BCKDHB: variants seen among roughly 807,000 people sequenced by gnomAD.
BCKDHB encodes branched chain keto acid dehydrogenase E1 subunit beta, also known as 2-oxoisovalerate dehydrogenase subunit beta, mitochondrial.
BCKDHB carries 41 observed loss-of-function variants against 48.5 expected under a neutral mutation model. The observed-to-expected ratio is 0.85, with a 90% CI of 0.66 to 1.10. The LOEUF is 1.10. BCKDHB is among the 50% of genes least tolerant of loss of function. BCKDHB has a pLI of 0.00. For synonymous variants in BCKDHB, 201 were observed against 174.8 expected (o/e 1.15, Z -1.18); for missense variants, 496 against 494.2 (o/e 1.00, Z -0.03).
At chr6:80,424,840 G>A in the BCKDHB span, among the ~76,000 whole-genome samples, 1 of 152,168 alleles carries the variant, frequency 6.6e-6, no homozygotes, top group African/African-American at 2.4e-5. Flanking sequence ...CCTTTCAGGA[G>A]TTAATGGTGC....
At chr6:80,114,889 T>A (rs552277933) in intron 1 of BCKDHB, among the ~76,000 whole-genome samples, 80 of 152,206 alleles carry the variant, frequency 5.3e-4, no homozygotes, top group African/African-American at 1.9e-3. Flanking sequence ...AGAGATTGAG[T>A]AGAGGAACTA....
chr6:80,400,312 G>A, the BCKDHB span, among the ~76,000 whole-genome samples: 13 of 151,860 alleles, frequency 8.6e-5, no homozygotes, highest in Admixed American at 3.9e-4. Flanking sequence ...AAATTTTTGC[G>A]TACTATGCAT....
chr6:80,444,771 G>C, the BCKDHB span, among the ~76,000 whole-genome samples: 1 of 152,112 alleles, frequency 6.6e-6, no homozygotes, highest in Admixed American at 6.5e-5. Context: ...TTTTCTGAGA[G>C]TAAATAATAT....
intron 9 of BCKDHB, among the ~76,000 whole-genome samples, chr6:80,313,618 C>T (rs796425736): frequency 6.6e-5 from 10 of 152,320 alleles, no homozygotes; most frequent in African/African-American, 2.2e-4. Flanking sequence ...ACCTCAGCCT[C>T]CCAAAGTGCT....
chr6:80,335,431 T>C (rs1385744196), intron 9 of BCKDHB, among the ~76,000 whole-genome samples: 1 of 152,024 alleles, frequency 6.6e-6, no homozygotes, highest in Non-Finnish European at 1.5e-5. Flanking sequence ...AATTCCACTT[T>C]CAAACGTTGC....
At chr6:80,401,320 G>A in the BCKDHB span, among the ~76,000 whole-genome samples, 3 of 151,786 alleles carry the variant, frequency 2.0e-5, no homozygotes, top group Non-Finnish European at 4.4e-5. Flanking sequence ...CCACATCTGT[G>A]AAATTTTCAC....
At chr6:80,236,085 C>T (rs1394421147) in intron 8 of BCKDHB, among the ~76,000 whole-genome samples, 1 of 152,118 alleles carries the variant, frequency 6.6e-6, no homozygotes, top group Non-Finnish European at 1.5e-5. Flanking sequence ...CAAGTTTATT[C>T]AGAATTCTAT....
chr6:80,297,925 G>A (rs1767340829), intron 9 of BCKDHB, among the ~76,000 whole-genome samples: 1 of 151,870 alleles, frequency 6.6e-6, no homozygotes, highest in Non-Finnish European at 1.5e-5. Context: ...ATTTTGAGAG[G>A]GATTTATCCA....
chr6:80,178,526 A>G (rs1051128245), intron 6 of BCKDHB, among the ~76,000 whole-genome samples: 1 of 152,194 alleles, frequency 6.6e-6, no homozygotes, highest in Non-Finnish European at 1.5e-5. Context: ...ATCATATTTC[A>G]TAAGGTTGCT....
intron 3 of BCKDHB, among the ~76,000 whole-genome samples, chr6:80,137,871 G>A (rs910191990): frequency 1.3e-5 from 2 of 151,854 alleles, no homozygotes; most frequent in Admixed American, 6.6e-5. Context: ...ATTGCTTGAG[G>A]CCAAGAGTTT....
intron 8 of BCKDHB, among the ~76,000 whole-genome samples, chr6:80,251,256 C>A (rs982037853): frequency 7.2e-5 from 11 of 152,090 alleles, no homozygotes; most frequent in Non-Finnish European, 1.3e-4. Flanking sequence ...ATCTAAATAG[C>A]CGTGGGAATG....
At chr6:80,254,361 G>A (rs566460565) in intron 8 of BCKDHB, among the ~76,000 whole-genome samples, 15 of 152,034 alleles carry the variant, frequency 9.9e-5, no homozygotes, top group African/African-American at 3.6e-4. Flanking sequence ...TGATTGTAAT[G>A]TGAGTGATTT....
the BCKDHB span, among the ~76,000 whole-genome samples, chr6:80,424,470 A>G: frequency 1.3e-5 from 2 of 152,226 alleles, no homozygotes; most frequent in Non-Finnish European, 2.9e-5. Flanking sequence ...TAATGCAACT[A>G]CATCATTTGA....
chr6:80,194,830 TTTTC>T (rs1489320367), intron 6 of BCKDHB, among the ~76,000 whole-genome samples: 1 of 152,164 alleles, frequency 6.6e-6, no homozygotes, highest in Non-Finnish European at 1.5e-5. Context: ...TTTAAAATGG[TTTTC>T]TTTATTTGCT....
chr6:80,464,101 G>A, the BCKDHB span, among the ~76,000 whole-genome samples: 1 of 151,956 alleles, frequency 6.6e-6, no homozygotes, highest in Non-Finnish European at 1.5e-5. Context: ...CAAGTGCATT[G>A]AGTCTCTCTC....
At chr6:80,430,777 G>T in the BCKDHB span, among the ~76,000 whole-genome samples, 1 of 152,034 alleles carries the variant, frequency 6.6e-6, no homozygotes, top group Non-Finnish European at 1.5e-5. Flanking sequence ...CCATCTCCTA[G>T]ATTCATTTAT....
chr6:80,394,447 T>G, the BCKDHB span, among the ~76,000 whole-genome samples: 582 of 152,288 alleles, frequency 3.8e-3, 7 homozygotes, highest in African/African-American at 0.013. Context: ...ATTGTTTTTT[T>G]TTTGTTTGTT....
At chr6:80,390,011 C>A in the BCKDHB span, among the ~76,000 whole-genome samples, 2 of 152,166 alleles carry the variant, frequency 1.3e-5, no homozygotes, top group Non-Finnish European at 2.9e-5. Flanking sequence ...GGAGACACAA[C>A]AATCCCATTA....
intron 1 of BCKDHB, among the ~76,000 whole-genome samples, chr6:80,126,495 A>G (rs977335155): frequency 6.6e-6 from 1 of 152,142 alleles, no homozygotes; most frequent in South Asian, 2.1e-4. Context: ...ACACTAGGCT[A>G]ATGAATAGCA....
Sources: gnomAD v4.1 joint callset for allele counts (sites outside exome capture counted in the v4.1 genomes callset) on GRCh38, gnomAD v4.1.1 for gene constraint, MANE v1.5 for transcripts, NCBI Gene and HGNC (gene_info 2026-07-23, HGNC 2026-07-21) for gene names.